SLC60A1: variants seen among roughly 807,000 people sequenced by gnomAD.
SLC60A1 encodes the protein solute carrier family 60 member 1.
At chr1:205,591,720 A>C in the SLC60A1 span, among the ~76,000 whole-genome samples, 1 of 152,068 alleles carries the variant, frequency 6.6e-6, no homozygotes, top group Non-Finnish European at 1.5e-5. Context: ...CTTTCAGGAG[A>C]AGAGAAGCAG....
chr1:205,589,589 A>G, the SLC60A1 span, among the ~76,000 whole-genome samples: 1 of 152,148 alleles, frequency 6.6e-6, no homozygotes, highest in African/African-American at 2.4e-5. Flanking sequence ...TTTCCATCTA[A>G]CATAGCTTGC....
the SLC60A1 span, among the ~76,000 whole-genome samples, chr1:205,573,195 G>A: frequency 6.6e-6 from 1 of 152,110 alleles, no homozygotes; most frequent in African/African-American, 2.4e-5. Flanking sequence ...TAGATCACCT[G>A]AGGTCAGGAG....
the SLC60A1 span, chr1:205,602,653 A>C: frequency 6.6e-6 from 1 of 152,482 alleles, no homozygotes; most frequent in Non-Finnish European, 1.5e-5. Flanking sequence ...CTAGGAGTAT[A>C]GTTTTAATTA....
chr1:205,586,902 G>A, the SLC60A1 span, among the ~76,000 whole-genome samples: 1 of 152,078 alleles, frequency 6.6e-6, no homozygotes, highest in Non-Finnish European at 1.5e-5. Flanking sequence ...TCACCACGTT[G>A]GCCAGGCTGG....
the SLC60A1 span, among the ~76,000 whole-genome samples, chr1:205,573,253 AAAAAAC>A: frequency 6.6e-6 from 1 of 151,960 alleles, no homozygotes; most frequent in African/African-American, 2.4e-5. Context: ...TCTACTAAAA[AAAAAAC>A]AAAAACAAAA....
At chr1:205,580,060 GT>G in the SLC60A1 span, 1 of 1,189,634 alleles carries the variant, frequency 8.4e-7, no homozygotes, top group Non-Finnish European at 1.2e-6. This position sits in a 1 kb window ranked among gnomAD's most constrained non-coding sequence, Gnocchi z 5.0. Context: ...TACCAGCTGG[GT>G]TAGTAAGTTC....
the SLC60A1 span, among the ~76,000 whole-genome samples, chr1:205,581,654 G>T: frequency 1.1e-3 from 170 of 152,174 alleles, 1 homozygote; most frequent in Admixed American, 5.2e-3. The surrounding 1 kb of genome is among the most constrained non-coding windows in gnomAD (Gnocchi z 4.2). Flanking sequence ...TGGGCCGGGG[G>T]TGGGGAGCAT....
At chr1:205,581,650 G>A in the SLC60A1 span, among the ~76,000 whole-genome samples, 5 of 152,128 alleles carry the variant, frequency 3.3e-5, no homozygotes, top group Admixed American at 2.0e-4. The surrounding 1 kb of genome is among the most constrained non-coding windows in gnomAD (Gnocchi z 4.2). Context: ...CTCCTGGGCC[G>A]GGGGTGGGGA....
chr1:205,599,157 T>G, the SLC60A1 span: 1 of 1,614,066 alleles, frequency 6.2e-7, no homozygotes, highest in Non-Finnish European at 8.5e-7. Flanking sequence ...GCAGCTATAG[T>G]TTCCTGGTCT....
At chr1:205,597,689 G>A in the SLC60A1 span, 1 of 1,345,280 alleles carries the variant, frequency 7.4e-7, no homozygotes, top group Non-Finnish European at 1.1e-6. Context: ...AAATGCATAT[G>A]CCACTGTGCC....
the SLC60A1 span, among the ~76,000 whole-genome samples, chr1:205,576,296 A>C: frequency 6.6e-6 from 1 of 152,192 alleles, no homozygotes; most frequent in Non-Finnish European, 1.5e-5. Flanking sequence ...TGGGGAAGCC[A>C]GGGCCAGCAG....
chr1:205,591,999 G>A, the SLC60A1 span: 4 of 1,164,794 alleles, frequency 3.4e-6, no homozygotes, highest in South Asian at 4.5e-5. Flanking sequence ...CTGGTCCACG[G>A]GGTGGCGCGC....
At chr1:205,580,958 T>TGGAC in the SLC60A1 span, 13 of 1,602,306 alleles carry the variant, frequency 8.1e-6, no homozygotes, top group Non-Finnish European at 9.3e-6. This position sits in a 1 kb window ranked among gnomAD's most constrained non-coding sequence, Gnocchi z 5.0. Context: ...AGGGAGCTAG[T>TGGAC]GGACAGTCCA....
the SLC60A1 span, among the ~76,000 whole-genome samples, chr1:205,596,544 C>CAAAAAAAAAAAAAAAAA: frequency 2.0e-5 from 1 of 49,110 alleles, no homozygotes; most frequent in Non-Finnish European, 3.4e-5. Flanking sequence ...GACTCTGTCT[C>CAAAAAAAAAAAAAAAAA]AAAAAAAAAA....
At chr1:205,580,698 G>A in the SLC60A1 span, 2 of 1,613,520 alleles carry the variant, frequency 1.2e-6, no homozygotes, top group South Asian at 1.1e-5. This position sits in a 1 kb window ranked among gnomAD's most constrained non-coding sequence, Gnocchi z 5.0. Flanking sequence ...GCTCTGCTGA[G>A]CCCCCTTATT....
At chr1:205,600,416 A>G in the SLC60A1 span, 2 of 1,614,176 alleles carry the variant, frequency 1.2e-6, no homozygotes, top group Non-Finnish European at 1.7e-6. Context: ...TTCCTACCCA[A>G]GACAGATCAA....
chr1:205,584,223 T>TTA, the SLC60A1 span: 3 of 1,267,230 alleles, frequency 2.4e-6, no homozygotes, highest in African/African-American at 1.5e-5. Context: ...AGGTGATTTT[T>TTA]TTTTTTTTTT....
chr1:205,592,104 C>T, the SLC60A1 span: 1 of 1,611,784 alleles, frequency 6.2e-7, no homozygotes. Flanking sequence ...CTCAGCTTTT[C>T]GCAATTCCTA....
At chr1:205,579,468 A>G in the SLC60A1 span, 1 of 565,418 alleles carries the variant, frequency 1.8e-6, no homozygotes, top group East Asian at 2.8e-5. Flanking sequence ...TTAAGTAAAC[A>G]ATTTAGGGTT....
Sources: allele counts gnomAD v4.1 joint callset (sites outside exome capture counted in the v4.1 genomes callset), GRCh38; gene constraint gnomAD v4.1.1; non-coding constraint Gnocchi (gnomAD v3.1); transcripts MANE v1.5; gene names NCBI Gene and HGNC (gene_info 2026-07-23, HGNC 2026-07-21).